The following FAM107B variants were observed in gnomAD, a reference collection of about 807,000 sequenced individuals.
FAM107B encodes family with sequence similarity 107 member B.
Under a neutral mutation model 31.5 loss-of-function variants are expected in FAM107B, and 21 were observed. The observed-to-expected ratio is 0.67, with a 90% CI of 0.47 to 0.96. FAM107B has a LOEUF of 0.96. Ranked by LOEUF, FAM107B falls within the 40% of genes least tolerant of loss-of-function variation. The pLI, the probability that FAM107B is intolerant of heterozygous loss-of-function variation, is 0.00. For synonymous variants in FAM107B, 157 were observed against 141.5 expected, an observed-to-expected ratio of 1.11 and a Z score of -0.78; for missense variants, 452 against 377.1, an observed-to-expected ratio of 1.20 and a Z score of -1.64.
Position 14,714,471 on chromosome 10 carries a change from G to A in FAM107B, c.412-46780C>T, listed in dbSNP as rs78941833. 8.0e-3 allele frequency among the ~76,000 whole-genome samples: 1,218 copies of A among 152,298 alleles called. 12 individuals carry two copies. The highest frequency in any genetic ancestry group is 0.027 in the African/African-American group (1,143 of 41,568). ...GCAAATGGCTGGAACCAGGAGAGCC[G>A]GCAGCAGGAGTCACTGACAGGCTCA... On this transcript the variant is annotated intron_variant, in intron 1 of 4. Transcript: ENST00000181796.
intron 2 of FAM107B, among the ~76,000 whole-genome samples, chr10:14,602,226 C>A (rs959515454): frequency 1.3e-5 from 2 of 152,162 alleles, no homozygotes; most frequent in African/African-American, 4.8e-5. Context: ...GATTAAAGCG[C>A]CCCGAGTGTC....
rs1855164438 is a variant in FAM107B at position 14,692,548 on chromosome 10, T to C, written c.412-24857A>G. 2.6e-5 allele frequency among the ~76,000 whole-genome samples: 4 copies of C among 152,198 alleles called. No homozygotes were observed. In the South Asian group the frequency reaches 8.3e-4, roughly 31 times the overall value. On this transcript the variant is annotated intron_variant, in intron 1 of 4. Coordinates refer to ENST00000181796, the MANE Select transcript of FAM107B (RefSeq NM_031453.4). ...CTGGAGAATTCATATTTAAGACCCA[T>C]TGATGCCCTCATAAAAATCTACCTT... is the stretch of plus-strand genomic sequence containing the variant.
At chr10:14,645,200 T>C (rs1289435246) in intron 2 of FAM107B, among the ~76,000 whole-genome samples, 2 of 152,204 alleles carry the variant, frequency 1.3e-5, no homozygotes, top group African/African-American at 2.4e-5. Flanking sequence ...AGAAATGTAG[T>C]TCTTTTCATG....
At chr10:14,705,023 C>CAAAAAAAAAAAAA (rs57922026) in intron 1 of FAM107B, among the ~76,000 whole-genome samples, 1 of 87,904 alleles carries the variant, frequency 1.1e-5, no homozygotes, top group African/African-American at 4.7e-5. Flanking sequence ...GACCCTGTCA[C>CAAAAAAAAAAAAA]AAAAAAAAAA....
At chr10:14,685,894 C>CA (rs1450241039) in intron 1 of FAM107B, among the ~76,000 whole-genome samples, 1 of 151,930 alleles carries the variant, frequency 6.6e-6, no homozygotes, top group Non-Finnish European at 1.5e-5. Context: ...TGGCGGAAGG[C>CA]AAAAAAGAAG....
intron 2 of FAM107B, among the ~76,000 whole-genome samples, chr10:14,664,320 T>C (rs1588692529): frequency 6.6e-6 from 1 of 152,254 alleles, no homozygotes; most frequent in Non-Finnish European, 1.5e-5. Flanking sequence ...CTAATGGCTG[T>C]ATTTCTCACT....
intron 1 of FAM107B, among the ~76,000 whole-genome samples, chr10:14,703,387 G>A (rs1261785098): frequency 1.3e-5 from 2 of 149,432 alleles, no homozygotes; most frequent in African/African-American, 5.0e-5. Flanking sequence ...GGAGGGCAGT[G>A]GCATGATCTT....
At position 14,540,278 on chromosome 10, in the gene FAM107B, T is replaced by C. The variant is rs371913988; in HGVS notation, c.470-9763A>G. Among the ~76,000 whole-genome samples the C allele has an allele frequency of 1.4e-4, 21 of 152,342 alleles. No homozygotes were observed. The East Asian group carries it at 1.7e-3, about 13-fold the overall frequency. Reference sequence around the variant, plus strand: ...CACTTGGCCTGTCAGGTGTTTTTTCTGGTAAGAAGTGCCTGTGCTTCTGGC... The same window carrying C: ...CACTTGGCCTGTCAGGTGTTTTTTCCGGTAAGAAGTGCCTGTGCTTCTGGC... On this transcript the variant is annotated intron_variant, in intron 2 of 4. Coordinates refer to ENST00000181796, the MANE Select transcript of FAM107B (RefSeq NM_031453.4).
At chr10:14,538,437 C>T (rs1474236596) in intron 2 of FAM107B, among the ~76,000 whole-genome samples, 1 of 152,150 alleles carries the variant, frequency 6.6e-6, no homozygotes, top group African/African-American at 2.4e-5. Context: ...ACAAATACAA[C>T]GTTAAGCAAA....
At chr10:14,758,355 C>G (rs1031564030) in intron 1 of FAM107B, among the ~76,000 whole-genome samples, 3 of 152,138 alleles carry the variant, frequency 2.0e-5, no homozygotes, top group Non-Finnish European at 4.4e-5. Flanking sequence ...TACTGCCAGC[C>G]AGTTCTCAGA....
In FAM107B at chr10:14,584,425, G is replaced by A. The variant is rs77887677; in HGVS notation, c.470-53910C>T. 3.7e-3 allele frequency among the ~76,000 whole-genome samples: 559 copies of A among 152,242 alleles called. 3 individuals carry two copies. The highest frequency in any genetic ancestry group is 0.013 in the African/African-American group (540 of 41,534). The stretch of plus-strand genomic sequence containing the variant: ...TATGCTTTCGCACCCCATGGCCCTC[G>A]GCACTCAGAGTCTTTCGCTCCATTT... On this transcript the variant is annotated intron_variant, in intron 2 of 4. Coordinates refer to ENST00000181796, the MANE Select transcript of FAM107B (RefSeq NM_031453.4).
intron 2 of FAM107B, among the ~76,000 whole-genome samples, chr10:14,660,211 A>G (rs550699208): frequency 4.6e-5 from 7 of 152,324 alleles, no homozygotes; most frequent in Admixed American, 2.0e-4. Flanking sequence ...GTGCAACCTA[A>G]AAGAGAATGA....
chr10:14,736,982 C>T (rs946061239), intron 1 of FAM107B, among the ~76,000 whole-genome samples: 2 of 152,136 alleles, frequency 1.3e-5, no homozygotes, highest in African/African-American at 4.8e-5. Context: ...AAAGGCCACA[C>T]AGCAGACCTC....
chr10:14,542,519 T>C (rs761864848), intron 2 of FAM107B: 1 of 152,216 alleles, frequency 6.6e-6, no homozygotes, highest in Non-Finnish European at 1.5e-5. Context: ...ACTCAATTCT[T>C]AACCTCAGAA....
chr10:14,551,005 A>T lies in FAM107B; in HGVS notation c.470-20490T>A, dbSNP rs913987255. On this transcript the variant is annotated intron_variant, in intron 2 of 4. Coordinates refer to ENST00000181796, the MANE Select transcript of FAM107B (RefSeq NM_031453.4). Reference sequence around the variant, plus strand: ...ACTTCCTTTATGCCTTAAAAAAATTAATCTGAACAGCTTAATTACAGTAGG... The same window carrying T: ...ACTTCCTTTATGCCTTAAAAAAATTTATCTGAACAGCTTAATTACAGTAGG... Among the ~76,000 whole-genome samples the T allele has an allele frequency of 2.6e-5, 4 of 152,248 alleles. No individual in the cohort carries two copies. In the East Asian group the frequency reaches 7.7e-4, roughly 29 times the overall value.
chr10:14,670,454 T>G (rs941626003), intron 1 of FAM107B, among the ~76,000 whole-genome samples: 3 of 152,182 alleles, frequency 2.0e-5, no homozygotes, highest in African/African-American at 7.2e-5. Context: ...ATGCAGTAAG[T>G]CATTTCTTGT....
chr10:14,637,385 A>G (rs1404354225), intron 2 of FAM107B, among the ~76,000 whole-genome samples: 1 of 152,162 alleles, frequency 6.6e-6, no homozygotes, highest in African/African-American at 2.4e-5. Context: ...CACTAATCTC[A>G]GCCCTTTGGG....
rs887876881 is a variant in FAM107B, at chr10:14,721,081, G to C, written c.411+53172C>G. 3.3e-5 allele frequency among the ~76,000 whole-genome samples: 5 copies of C among 152,056 alleles called. No individual in the cohort carries two copies. In the East Asian group the frequency reaches 9.6e-4, roughly 29 times the overall value. ...CATTGTTCAATTCCCACCCATGAGT[G>C]AGAACATGCGGTGTTTTGTTTTCTG... On this transcript the variant is annotated intron_variant, in intron 1 of 4. Transcript: ENST00000181796.
chr10:14,759,162 G>A (rs985095798), intron 1 of FAM107B, among the ~76,000 whole-genome samples: 6 of 150,282 alleles, frequency 4.0e-5, no homozygotes, highest in African/African-American at 1.5e-4. Context: ...TGGGCAACAA[G>A]AGTGAAACTC....
Sources: gnomAD v4.1 joint callset for allele counts (sites outside exome capture counted in the v4.1 genomes callset) on GRCh38, gnomAD v4.1.1 for gene constraint, MANE v1.5 for transcripts, NCBI Gene and HGNC (gene_info 2026-07-23, HGNC 2026-07-21) for gene names.